Variants in CDC23 observed in about 807,000 individuals in gnomAD.
CDC23 encodes the protein cell division cycle protein 23 homolog.
A neutral mutation model predicts 81.7 loss-of-function variants in CDC23; 26 were observed. The observed-to-expected ratio is 0.32, with a 90% CI of 0.23 to 0.44. The LOEUF (loss-of-function observed/expected upper bound fraction) is 0.44. Among genes scored for constraint, CDC23 ranks in the 20% least tolerant of loss-of-function variants. The probability of loss-of-function intolerance (pLI) is 1.00; values close to 1 mark genes in which losing one functional copy is unlikely to be tolerated. For synonymous variants in CDC23, 267 were observed against 270.8 expected, an observed-to-expected ratio of 0.99 and a Z score of 0.14; for missense variants, 519 against 728.0, an observed-to-expected ratio of 0.71 and a Z score of 3.30.
intron 13 of CDC23, among the ~76,000 whole-genome samples, chr5:138,191,084 C>T (rs900575285): frequency 1.3e-5 from 2 of 152,090 alleles, no homozygotes; most frequent in Admixed American, 6.6e-5. Context: ...AGGAAAGCAA[C>T]GGCCCTCCTT....
At chr5:138,205,028 T>G (rs770633751) in intron 3 of CDC23, among the ~76,000 whole-genome samples, 196 of 151,270 alleles carry the variant, frequency 1.3e-3, no homozygotes, top group Middle Eastern at 3.5e-3. Context: ...GATCCTCCTA[T>G]CTCAGCCTCC....
intron 9 of CDC23, among the ~76,000 whole-genome samples, chr5:138,196,562 C>T (rs1410479084): frequency 6.6e-6 from 1 of 151,372 alleles, no homozygotes; most frequent in African/African-American, 2.4e-5. Context: ...GCTGGGATTA[C>T]AGGCGCTGTG....
rs771518039 is a variant in CDC23 at position 138,192,270 on chromosome 5, G to T, written c.1285C>A (p.Arg429=). ...GCATTGTCAAGTGACCAGGCTTACC[G>T]AAGCTGGTGGGCCCGTCTATAATAA... The part of the protein sequence containing the change: ...LYYYRRAHQL[R]PNDSRMLVAL... The change falls in exon 11 of 16, where the codon CGA becomes AGA. Residue 429 remains arginine (R), a splice_region_variant and synonymous_variant. Transcript: ENST00000394886. 3.1e-5 allele frequency: 50 copies of T among 1,614,034 alleles called. No individual in the cohort carries two copies. Among genetic ancestry groups the T allele is most frequent in the Middle Eastern group, 3.3e-4 (2 of 6,084 alleles).
At chr5:138,205,535 G>A (rs900056111) in intron 3 of CDC23, among the ~76,000 whole-genome samples, 18 of 151,928 alleles carry the variant, frequency 1.2e-4, no homozygotes, top group African/African-American at 4.4e-4. Context: ...GGTCCACCTT[G>A]GGGAAAGGGA....
rs955341261 is a variant in CDC23 at position 138,213,233 on chromosome 5, G to A, written c.80C>T (p.Ser27Leu). 3 of 1,614,038 alleles carry A rather than the reference G, an allele frequency of 1.9e-6. No homozygotes were observed. The highest frequency in any genetic ancestry group is 1.3e-5 in the African/African-American group (1 of 74,906). Residue 27 changes from serine (S) to leucine (L), a missense_variant, in exon 1 of 16, where the codon TCA (serine) becomes TTA (leucine). Physicochemically the swap from Ser to Leu is moderately radical, Grantham distance 145. Around this residue, in one of 4 missense-constraint regions of CDC23, gnomAD observed 126 missense variants for 116.2 expected, o/e 1.08. Coordinates refer to ENST00000394886, the MANE Select transcript of CDC23 (RefSeq NM_004661.4). ...TTGCTTTTTAATTTCCCGCAAATCT[G>A]AGAAATCGCTGTTTATGGACAGGAC... ...APVLSINSDF[S>L]DLREIKKQLL... is the part of the protein sequence containing the mutation.
Position 138,198,599 on chromosome 5 carries a change from A to G in CDC23, c.832+6T>C. 1 of 1,613,878 alleles carries G rather than the reference A, an allele frequency of 6.2e-7. No homozygotes were observed. The highest frequency in any genetic ancestry group is 8.5e-7 in the Non-Finnish European group (1 of 1,179,830). ...TGATAGTATTTCATTGTCTTTATTCACTCACCTCTGATATTGTGATAGGCA... is the reference window on the plus strand; with the variant it reads ...TGATAGTATTTCATTGTCTTTATTCGCTCACCTCTGATATTGTGATAGGCA... On this transcript the variant is annotated splice_donor_region_variant and intron_variant, in intron 7 of 15. Transcript: ENST00000394886.
chr5:138,191,338 C>T (rs1754824694), intron 13 of CDC23, 136 bp downstream of exon 13: 5 of 805,936 alleles, frequency 6.2e-6, no homozygotes, highest in African/African-American at 1.7e-5. Flanking sequence ...CATTCACAAA[C>T]CAGCATTCAC....
In CDC23 at chr5:138,213,295, G is replaced by C. The variant is rs763361503; in HGVS notation, c.18C>G (p.Ser6=). MAAST[S]MVPVAVTAAV... is the part of the protein sequence containing the mutation. ...CCGCCGTCACAGCCACCGGGACCATGGAGGTACTCGCAGCCATTTTCCCGA... is the reference window on the plus strand; with the variant it reads ...CCGCCGTCACAGCCACCGGGACCATCGAGGTACTCGCAGCCATTTTCCCGA... Residue 6 remains serine (S), a synonymous_variant, in exon 1 of 16, where the codon TCC becomes TCG. Coordinates refer to ENST00000394886, the MANE Select transcript of CDC23 (RefSeq NM_004661.4). 6.2e-7 allele frequency: 1 copy of C among 1,613,784 alleles called. No homozygotes were observed. Among genetic ancestry groups the C allele is most frequent in the South Asian group, 1.1e-5 (1 of 91,080 alleles).
At chr5:138,204,373 C>T (rs867453405) in intron 3 of CDC23, among the ~76,000 whole-genome samples, 1 of 151,634 alleles carries the variant, frequency 6.6e-6, no homozygotes. Flanking sequence ...GACATGCTGG[C>T]ATGCACCTGT....
At chr5:138,210,532 AT>A (rs1358694057) in intron 2 of CDC23, among the ~76,000 whole-genome samples, 2 of 152,248 alleles carry the variant, frequency 1.3e-5, no homozygotes, top group African/African-American at 4.8e-5. Context: ...TCTCAAAAAA[AT>A]AAATAAACAA....
chr5:138,195,504 T>A (rs114804239), intron 9 of CDC23, among the ~76,000 whole-genome samples: 9,919 of 125,300 alleles, frequency 0.079, 533 homozygotes, highest in Non-Finnish European at 0.11. Flanking sequence ...ATGTAAAAAA[T>A]ATATATATAT....
At position 138,188,006 on chromosome 5, in the gene CDC23, C is replaced by T. The variant is rs918609259; in HGVS notation, c.*972G>A. On this transcript the variant is annotated 3_prime_UTR_variant, in exon 16 of 16. Coordinates refer to ENST00000394886, the MANE Select transcript of CDC23 (RefSeq NM_004661.4). ...TTACAGCAGACATTATAGCATATTA[C>T]CTCCTGCTGTACACACATGCACAGG... The T allele has an allele frequency of 2.6e-5, 4 of 153,734 alleles. No individual in the cohort carries two copies. The highest frequency in any genetic ancestry group is 9.7e-5 in the African/African-American group (4 of 41,448). The allele number at this position is 153,734 out of a possible 1,614,324, so 9.5% of individuals were successfully genotyped here.
At chr5:138,198,306 A>G in intron 8 of CDC23, 26 bp from the exon 9 acceptor site, 4 of 1,601,494 alleles carry the variant, frequency 2.5e-6, no homozygotes, top group Non-Finnish European at 2.6e-6. Context: ...AAGACAATAT[A>G]AGCATGAAAA....
intron 11 of CDC23, 111 bp from the exon 12 acceptor site, chr5:138,192,048 C>G: frequency 4.0e-6 from 4 of 989,708 alleles, no homozygotes; most frequent in Non-Finnish European, 6.3e-6. Context: ...GGTCTTTAAC[C>G]TGATGCTCCA....
At position 138,209,994 on chromosome 5, in the gene CDC23, A is replaced by G. The variant is rs557594478; in HGVS notation, c.234+2997T>C. On this transcript the variant is annotated intron_variant, in intron 2 of 15. Transcript: ENST00000394886. Reference sequence around the variant, plus strand: ...TTTGGGAGGCTGAGAGGGGTGGATCACTTGAGGTCAGGAGTTCGAGACCAG... The same window carrying G: ...TTTGGGAGGCTGAGAGGGGTGGATCGCTTGAGGTCAGGAGTTCGAGACCAG... 6.6e-5 allele frequency among the ~76,000 whole-genome samples: 10 copies of G among 152,062 alleles called. No individual in the cohort carries two copies. The South Asian group carries it at 2.1e-3, about 32-fold the overall frequency.
rs17234716 is a variant in CDC23, at chr5:138,212,313, A to C, written c.234+678T>G. Among the ~76,000 whole-genome samples, 534 of 152,106 alleles carry C rather than the reference A, an allele frequency of 3.5e-3. 2 individuals are homozygous for C. Among genetic ancestry groups the C allele is most frequent in the African/African-American group, 0.012 (505 of 41,514 alleles). On this transcript the variant is annotated intron_variant, in intron 2 of 15. Transcript: ENST00000394886. ...AGACAACAGTGTAGGTATTGTAAAA[A>C]CTTTATTTATTTATTATTTATTTTG...
Position 138,198,245 on chromosome 5 carries a change from G to A in CDC23, c.966C>T (p.Asn322=), listed in dbSNP as rs781263048. Residue 322 remains asparagine (N), a synonymous_variant, in exon 9 of 16, where the codon AAC becomes AAT. Coordinates refer to ENST00000394886, the MANE Select transcript of CDC23 (RefSeq NM_004661.4). ...MKSELSYLAH[N]LCEIDKYRVE... ...CACGATATTTATCAATCTCACAGAG[G>A]TTATGAGCCAGATAACTCAACTCCG... The A allele has an allele frequency of 1.2e-6, 2 of 1,613,748 alleles. No individual in the cohort carries two copies. Among genetic ancestry groups the A allele is most frequent in the South Asian group, 1.1e-5 (1 of 91,074 alleles).
intron 3 of CDC23, chr5:138,205,822 G>T (rs1755042270): frequency 6.6e-6 from 1 of 151,836 alleles, no homozygotes; most frequent in Admixed American, 6.6e-5. Context: ...AATCTGCATT[G>T]CTCCAAAACC....
intron 2 of CDC23, among the ~76,000 whole-genome samples, chr5:138,212,658 G>A (rs1755126890): frequency 6.6e-6 from 1 of 152,082 alleles, no homozygotes; most frequent in Non-Finnish European, 1.5e-5. Flanking sequence ...TTTATTATGA[G>A]ATATCCTTAT....
Sources: allele counts gnomAD v4.1 joint callset (sites outside exome capture counted in the v4.1 genomes callset), GRCh38; gene constraint gnomAD v4.1.1; regional missense constraint gnomAD v4.1.1; transcripts MANE v1.5; gene names NCBI Gene and HGNC (gene_info 2026-07-23, HGNC 2026-07-21).